The following DYNC1LI1 variants were observed in gnomAD, a reference collection of about 807,000 sequenced individuals.
DYNC1LI1 encodes cytoplasmic dynein 1 light intermediate chain 1.
Under a neutral mutation model 63.8 loss-of-function variants are expected in DYNC1LI1, and 19 were observed. The ratio of observed to expected loss-of-function variants is 0.30; its 90% CI spans 0.21 to 0.44. The LOEUF is 0.44. Among genes scored for constraint, DYNC1LI1 ranks in the 20% least tolerant of loss-of-function variants. The pLI is 1.00. For missense variants in DYNC1LI1, 565 were observed against 630.2 expected (o/e 0.90, Z 1.11); for synonymous variants, 225 against 232.3 (o/e 0.97, Z 0.28).
intron 6 of DYNC1LI1, among the ~76,000 whole-genome samples, chr3:32,535,123 G>A (rs995405072): frequency 1.3e-5 from 2 of 152,168 alleles, no homozygotes; most frequent in Non-Finnish European, 2.9e-5. Flanking sequence ...AGACTCACTG[G>A]AGAGAGCAAA....
At chr3:32,543,953 G>A (rs1332260690) in intron 4 of DYNC1LI1, among the ~76,000 whole-genome samples, 3 of 151,450 alleles carry the variant, frequency 2.0e-5, no homozygotes, top group Non-Finnish European at 4.4e-5. Flanking sequence ...GTACTACTCA[G>A]GGGGCTGAGA....
intron 2 of DYNC1LI1, 63 bp downstream of exon 2, chr3:32,570,283 G>T: frequency 7.4e-7 from 1 of 1,358,888 alleles, no homozygotes; most frequent in Non-Finnish European, 1.0e-6. Context: ...GAGCTAGCCC[G>T]CGGACCAGGT....
intron 6 of DYNC1LI1, 108 bp downstream of exon 6, chr3:32,536,896 AGAAGGAG>A: frequency 1.7e-6 from 1 of 586,422 alleles, no homozygotes; most frequent in Non-Finnish European, 3.0e-6. Context: ...AACCAGAGAC[AGAAGGAG>A]AAATGTTTAC....
At chr3:32,542,397 G>C (rs1015732832) in intron 4 of DYNC1LI1, among the ~76,000 whole-genome samples, 1 of 150,904 alleles carries the variant, frequency 6.6e-6, no homozygotes, top group East Asian at 2.0e-4. Context: ...CACTGTGACC[G>C]GCTATTTTCA....
chr3:32,530,497 C>A lies in DYNC1LI1; in HGVS notation c.1104G>T (p.Met368Ile). 6.2e-7 allele frequency: 1 copy of A among 1,613,246 alleles called. No individual in the cohort carries two copies. Among genetic ancestry groups the A allele is most frequent in the South Asian group, 1.1e-5 (1 of 91,066 alleles). Reference sequence around the variant, plus strand: ...TAAGAAACACCTGATCATCTTCTGCCATAATTTCCTTCTCATGTACAAACT... The same window carrying A: ...TAAGAAACACCTGATCATCTTCTGCAATAATTTCCTTCTCATGTACAAACT... ...VRKFVHEKEIMAEDDQVFLMK... is the reference protein window; with the variant it reads ...VRKFVHEKEIIAEDDQVFLMK... Residue 368 changes from methionine to isoleucine, a missense_variant, in exon 9 of 13, where the codon ATG (methionine) becomes ATT (isoleucine). Coordinates refer to ENST00000273130, the MANE Select transcript of DYNC1LI1 (RefSeq NM_016141.4).
At chr3:32,554,132 T>C (rs976969791) in intron 2 of DYNC1LI1, among the ~76,000 whole-genome samples, 2 of 152,210 alleles carry the variant, frequency 1.3e-5, no homozygotes, top group African/African-American at 4.8e-5. Flanking sequence ...GAAAGAAAAT[T>C]AATGCACTCT....
At position 32,561,508 on chromosome 3, in the gene DYNC1LI1, G is replaced by A. The variant is rs62252802; in HGVS notation, c.220+8838C>T. On this transcript the variant is annotated intron_variant, in intron 2 of 12. Transcript: ENST00000273130. ...GCCAGGCGTGGTGGCACACGCCGGT[G>A]GTCCCAGCTACTCAGGAGGCTGAGG... Among the ~76,000 whole-genome samples the A allele has an allele frequency of 5.4e-3, 819 of 151,860 alleles. 2 individuals carry two copies. Among genetic ancestry groups the A allele is most frequent in the Non-Finnish European group, 8.6e-3 (587 of 67,922 alleles).
intron 2 of DYNC1LI1, among the ~76,000 whole-genome samples, chr3:32,546,220 C>T (rs1216362559): frequency 6.6e-6 from 1 of 152,058 alleles, no homozygotes; most frequent in East Asian, 1.9e-4. Flanking sequence ...CCAGCCTGGC[C>T]AACATGGTGA....
intron 4 of DYNC1LI1, among the ~76,000 whole-genome samples, 179 bp from the exon 5 acceptor site, chr3:32,541,385 T>C (rs1373577142): frequency 6.6e-6 from 1 of 152,198 alleles, no homozygotes; most frequent in Non-Finnish European, 1.5e-5. Flanking sequence ...CCCACAGTAA[T>C]AATTAGGAGA....
intron 2 of DYNC1LI1, among the ~76,000 whole-genome samples, chr3:32,560,480 G>A (rs972631054): frequency 1.3e-5 from 2 of 151,866 alleles, no homozygotes; most frequent in African/African-American, 4.8e-5. Context: ...TGTAACCTAG[G>A]GCTTAAAACC....
At chr3:32,537,298 T>C (rs1228901311) in intron 5 of DYNC1LI1, 194 bp from the exon 6 acceptor site, 3 of 334,900 alleles carry the variant, frequency 9.0e-6, no homozygotes, top group East Asian at 1.0e-4. Context: ...ATTTTATCTT[T>C]TTAAAAAGCA....
intron 2 of DYNC1LI1, among the ~76,000 whole-genome samples, chr3:32,553,566 A>C (rs1196134373): frequency 6.6e-6 from 1 of 152,218 alleles, no homozygotes; most frequent in Non-Finnish European, 1.5e-5. Flanking sequence ...CCACACAATA[A>C]ATATTAAAGA....
At chr3:32,564,982 G>C (rs1399041958) in intron 2 of DYNC1LI1, among the ~76,000 whole-genome samples, 1 of 152,056 alleles carries the variant, frequency 6.6e-6, no homozygotes, top group African/African-American at 2.4e-5. Context: ...ATTCCTGAAG[G>C]GGGGGAAAAA....
At chr3:32,532,817 A>C in intron 8 of DYNC1LI1, 169 bp downstream of exon 8, 1 of 1,219,918 alleles carries the variant, frequency 8.2e-7, no homozygotes, top group Non-Finnish European at 1.0e-6. Flanking sequence ...TATTTTGCTA[A>C]AACAAATCCT....
chr3:32,552,025 C>T (rs930552543), intron 2 of DYNC1LI1, among the ~76,000 whole-genome samples: 1 of 152,190 alleles, frequency 6.6e-6, no homozygotes, highest in Non-Finnish European at 1.5e-5. Flanking sequence ...CCATGAATAC[C>T]TCACATTTCA....
chr3:32,565,271 C>T (rs574181552), intron 2 of DYNC1LI1, among the ~76,000 whole-genome samples: 3 of 152,128 alleles, frequency 2.0e-5, no homozygotes, highest in South Asian at 4.2e-4. Context: ...ATTCAAATAG[C>T]CGGATTTACA....
rs1302252829 is a variant in DYNC1LI1, at chr3:32,534,717, A to G, written c.833-71T>C. The G allele has an allele frequency of 1.6e-5, 20 of 1,263,396 alleles. 1 individual carries two copies. Among genetic ancestry groups the G allele is most frequent in the Non-Finnish European group, 2.1e-5 (20 of 937,990 alleles). 78.3% of individuals were successfully genotyped at this position (1,263,396 alleles called of 1,614,324 possible). On this transcript the variant is annotated intron_variant, in intron 6 of 12. Coordinates refer to ENST00000273130, the MANE Select transcript of DYNC1LI1 (RefSeq NM_016141.4). ...AAATACCATAAAATTCTGTGTTTTCAGCTTAACTTTTATTTCTATGCATTT... is the reference window on the plus strand; with the variant it reads ...AAATACCATAAAATTCTGTGTTTTCGGCTTAACTTTTATTTCTATGCATTT...
chr3:32,548,374 A>C (rs991793958), intron 2 of DYNC1LI1, among the ~76,000 whole-genome samples: 1 of 152,168 alleles, frequency 6.6e-6, no homozygotes, highest in Non-Finnish European at 1.5e-5. Flanking sequence ...GAGGTAAAAG[A>C]GTTTCATCCT....
At chr3:32,567,288 G>A (rs1384464572) in intron 2 of DYNC1LI1, among the ~76,000 whole-genome samples, 1 of 152,170 alleles carries the variant, frequency 6.6e-6, no homozygotes, top group Non-Finnish European at 1.5e-5. Flanking sequence ...AGGGAGGAGA[G>A]AGGAGGTGAA....
Sources: gnomAD v4.1 joint callset for allele counts (sites outside exome capture counted in the v4.1 genomes callset) on GRCh38, gnomAD v4.1.1 for gene constraint, MANE v1.5 for transcripts, NCBI Gene and HGNC (gene_info 2026-07-23, HGNC 2026-07-21) for gene names.